RGS5: variants seen among roughly 807,000 people sequenced by gnomAD.
RGS5 encodes the protein regulator of G-protein signalling 5.
RGS5 carries 20 observed loss-of-function variants against 18.9 expected under a neutral mutation model. The ratio of observed to expected loss-of-function variants is 1.06; its 90% confidence interval spans 0.74 to 1.54. The LOEUF is 1.54. Ranked by LOEUF, RGS5 falls within the 40% of genes most tolerant of loss-of-function variation. The probability of loss-of-function intolerance (pLI) is 0.00; values close to 1 mark genes in which losing one functional copy is unlikely to be tolerated. For missense variants in RGS5, 201 were observed against 211.8 expected, an observed-to-expected ratio of 0.95 and a Z score of 0.32; for synonymous variants, 57 against 76.2, an observed-to-expected ratio of 0.75 and a Z score of 1.31.
intron 2 of RGS5, among the ~76,000 whole-genome samples, chr1:163,227,470 C>A (rs966351479): frequency 1.1e-4 from 16 of 152,086 alleles, no homozygotes; most frequent in African/African-American, 3.4e-4. Context: ...ATGGGGGAAA[C>A]CACCTCCATG....
chr1:163,208,780 A>C (rs1299277303), intron 1 of RGS5, among the ~76,000 whole-genome samples: 1 of 152,150 alleles, frequency 6.6e-6, no homozygotes, highest in Non-Finnish European at 1.5e-5. Context: ...ATTAAATATA[A>C]ATATTTTTGC....
chr1:163,315,681 T>G (rs886357943), intron 1 of RGS5, among the ~76,000 whole-genome samples: 2 of 152,144 alleles, frequency 1.3e-5, no homozygotes, highest in African/African-American at 4.8e-5. Context: ...GTATTGCAAA[T>G]GTACAGCTCA....
In RGS5 at chr1:163,147,186, G is replaced by T; in HGVS notation, c.*156C>A. ...GGACAGTAGATAAGTATCCAAAGCAGTGTGGGCAAAAAGAGTAAGCAACAT... is the reference window on the plus strand; with the variant it reads ...GGACAGTAGATAAGTATCCAAAGCATTGTGGGCAAAAAGAGTAAGCAACAT... On this transcript the variant is annotated 3_prime_UTR_variant, in exon 5 of 5. Transcript: ENST00000313961. 1 of 652,048 alleles carries T rather than the reference G, an allele frequency of 1.5e-6. No homozygotes were observed. The highest frequency in any genetic ancestry group is 2.4e-6 in the Non-Finnish European group (1 of 417,562). The allele number at this position is 652,048 out of a possible 1,614,324, so 40.4% of individuals were successfully genotyped here.
intron 2 of RGS5, among the ~76,000 whole-genome samples, chr1:163,270,857 C>T (rs1286623224): frequency 6.6e-6 from 1 of 152,142 alleles, no homozygotes; most frequent in Non-Finnish European, 1.5e-5. Context: ...AAAATAATCA[C>T]TCTACAGCTC....
At position 163,142,583 on chromosome 1, in the gene RGS5, C is replaced by T. The variant is rs1656967217; in HGVS notation, c.*4759G>A. The T allele has an allele frequency of 6.6e-6, 1 of 152,102 alleles. No individual in the cohort carries two copies. The highest frequency in any genetic ancestry group is 2.4e-5 in the African/African-American group (1 of 41,428). 9.4% of individuals were successfully genotyped at this position (152,102 alleles called of 1,614,324 possible). A position where few individuals can be genotyped will look rare whatever the true frequency, so the allele number is the denominator to read the frequency against. On this transcript the variant is annotated 3_prime_UTR_variant, in exon 5 of 5. Transcript: ENST00000313961. ...AAAATAGCTCCTTCAAATCCTGACACTATATGACATAAAAAGAACTTTTGG... is the reference window on the plus strand; with the variant it reads ...AAAATAGCTCCTTCAAATCCTGACATTATATGACATAAAAAGAACTTTTGG...
chr1:163,290,018 CA>C (rs1649239130), intron 2 of RGS5, among the ~76,000 whole-genome samples: 1 of 152,190 alleles, frequency 6.6e-6, no homozygotes, highest in African/African-American at 2.4e-5. Flanking sequence ...TTTGTTGCCA[CA>C]TGTACAGTAA....
intron 1 of RGS5, among the ~76,000 whole-genome samples, chr1:163,172,806 C>T (rs1204670642): frequency 3.9e-5 from 6 of 152,040 alleles, no homozygotes; most frequent in Admixed American, 6.5e-5. Context: ...GTTTAAAGGC[C>T]GAGGAGCTGA....
At chr1:163,149,392 T>C (rs1412452133) in intron 4 of RGS5, among the ~76,000 whole-genome samples, 1 of 152,198 alleles carries the variant, frequency 6.6e-6, no homozygotes, top group Non-Finnish European at 1.5e-5. Flanking sequence ...GACAGGCTTA[T>C]TCCAAATGAT....
At chr1:163,165,600 A>G (rs1169581513) in intron 2 of RGS5, among the ~76,000 whole-genome samples, 2 of 152,134 alleles carry the variant, frequency 1.3e-5, no homozygotes, top group Non-Finnish European at 2.9e-5. Context: ...GTTAAGGAAG[A>G]GAGTTTTAAG....
intron 1 of RGS5, among the ~76,000 whole-genome samples, chr1:163,319,729 G>C (rs758974552): frequency 1.6e-4 from 25 of 152,154 alleles, no homozygotes; most frequent in Non-Finnish European, 3.2e-4. Context: ...ATTAGCAGGA[G>C]GGCTGTCAGG....
chr1:163,211,134 G>T (rs1660093026), intron 1 of RGS5: 1 of 152,204 alleles, frequency 6.6e-6, no homozygotes, highest in Admixed American at 6.5e-5. Flanking sequence ...GAAGTTGTGG[G>T]TGCAGAACTC....
intron 2 of RGS5, among the ~76,000 whole-genome samples, chr1:163,242,268 T>C (rs969486257): frequency 6.6e-6 from 1 of 152,184 alleles, no homozygotes; most frequent in African/African-American, 2.4e-5. Context: ...TTTCATAGCA[T>C]AGGTACATTC....
intron 1 of RGS5, among the ~76,000 whole-genome samples, chr1:163,200,707 T>C (rs937663324): frequency 1.3e-5 from 2 of 152,142 alleles, no homozygotes; most frequent in Non-Finnish European, 2.9e-5. Flanking sequence ...CAATATGTAA[T>C]AGCTCACAAT....
intron 2 of RGS5, among the ~76,000 whole-genome samples, chr1:163,290,968 A>G (rs1490997830): frequency 6.6e-6 from 1 of 152,152 alleles, no homozygotes; most frequent in East Asian, 1.9e-4. Flanking sequence ...ATAATTTAAA[A>G]TAACAGAACA....
rs187795338 is a variant in RGS5, at chr1:163,296,909, G to A, written c.-281+9324C>T. 7.9e-5 allele frequency among the ~76,000 whole-genome samples: 12 copies of A among 152,252 alleles called. No individual in the cohort carries two copies. The East Asian group carries it at 2.1e-3, about 27-fold the overall frequency. ...TTGGCCCTAAAAAGTTACTTTTTTA[G>A]AGAGAGAAATTTACATCTGTAAAAG... On this transcript the variant is annotated intron_variant, in intron 2 of 5. Transcript: ENST00000618415.
At position 163,146,300 on chromosome 1, in the gene RGS5, T is replaced by C. The variant is rs1301971066; in HGVS notation, c.*1042A>G. 2.0e-5 allele frequency: 3 copies of C among 151,518 alleles called. No homozygotes were observed. The highest frequency in any genetic ancestry group is 2.9e-5 in the Non-Finnish European group (2 of 67,902). The allele number at this position is 151,518 out of a possible 1,614,324, so 9.4% of individuals were successfully genotyped here. A position where few individuals can be genotyped will look rare whatever the true frequency, so the allele number is the denominator to read the frequency against. ...TTAAAAGTGTCTCACCTAGAAGGCCTCTACCTGTAATCACATTAATTTTTC... is the reference window on the plus strand; with the variant it reads ...TTAAAAGTGTCTCACCTAGAAGGCCCCTACCTGTAATCACATTAATTTTTC... On this transcript the variant is annotated 3_prime_UTR_variant, in exon 5 of 5. Transcript: ENST00000313961.
chr1:163,260,751 C>T (rs1388070242), intron 2 of RGS5: 1 of 151,772 alleles, frequency 6.6e-6, no homozygotes, highest in East Asian at 1.9e-4. Context: ...TTAACCACTA[C>T]CTAACATGTC....
At chr1:163,272,559 T>C (rs1648749181) in intron 2 of RGS5, among the ~76,000 whole-genome samples, 1 of 152,146 alleles carries the variant, frequency 6.6e-6, no homozygotes, top group African/African-American at 2.4e-5. Context: ...TTTAGCTCTA[T>C]GACTCATTTT....
chr1:163,224,738 T>G (rs1647296873), intron 2 of RGS5, among the ~76,000 whole-genome samples: 1 of 152,212 alleles, frequency 6.6e-6, no homozygotes. Flanking sequence ...CCATTCTAAC[T>G]GAAGTGAGGC....
Sources: allele counts gnomAD v4.1 joint callset (sites outside exome capture counted in the v4.1 genomes callset), GRCh38; gene constraint gnomAD v4.1.1; transcripts MANE v1.5; gene names NCBI Gene and HGNC (gene_info 2026-07-23, HGNC 2026-07-21).